SLC41A3: variants seen among roughly 807,000 people sequenced by gnomAD.
SLC41A3 encodes the protein SLC41A1-like 2.
SLC41A3 carries 44 observed loss-of-function variants against 45.4 expected under a neutral mutation model. The observed-to-expected ratio is 0.97, with a 90% confidence interval of 0.76 to 1.25. SLC41A3 has a LOEUF of 1.25. Ranked by LOEUF, SLC41A3 falls within the 50% of genes most tolerant of loss-of-function variation. The pLI, the probability that SLC41A3 is intolerant of heterozygous loss-of-function variation, is 0.00. For synonymous variants in SLC41A3, 256 were observed against 252.4 expected (o/e 1.01, Z -0.13); for missense variants, 550 against 600.6 (o/e 0.92, Z 0.88).
rs778296171 is a variant in SLC41A3 at position 126,026,512 on chromosome 3, G to A, written c.454-33C>T. Reference sequence around the variant, plus strand: ...ACAGAAATCAGAAGCATGAAGGGGGGCCCCGGGGCCACAGCCACACTCCCT... The same window carrying A: ...ACAGAAATCAGAAGCATGAAGGGGGACCCCGGGGCCACAGCCACACTCCCT... On this transcript the variant is annotated intron_variant, in intron 4 of 10. Transcript: ENST00000360370. The surrounding 1 kb of genome is among the most constrained non-coding windows in gnomAD (Gnocchi z 4.2). 15 of 1,589,626 alleles carry A rather than the reference G, an allele frequency of 9.4e-6. No individual in the cohort carries two copies. Among genetic ancestry groups the A allele is most frequent in the Non-Finnish European group, 1.3e-5 (15 of 1,167,380 alleles).
chr3:126,070,515 AG>A (rs1258980223), intron 1 of SLC41A3: 1 of 152,240 alleles, frequency 6.6e-6, no homozygotes, highest in Non-Finnish European at 1.5e-5. Context: ...GGTGGCAAAA[AG>A]GTTGGGGACC....
intron 1 of SLC41A3, 103 bp from the exon 2 acceptor site, chr3:126,068,349 C>T: frequency 2.8e-6 from 3 of 1,082,876 alleles, no homozygotes; most frequent in Non-Finnish European, 3.7e-6. Context: ...CGGCATGGTC[C>T]CATCCAACCC....
intron 3 of SLC41A3, 132 bp from the exon 4 acceptor site, chr3:126,033,810 CT>C (rs921204165): frequency 1.2e-5 from 11 of 912,988 alleles, no homozygotes; most frequent in African/African-American, 5.0e-5. Flanking sequence ...AAAAATTCCT[CT>C]GCTCAGCTCT....
intron 1 of SLC41A3, among the ~76,000 whole-genome samples, chr3:126,082,059 C>T (rs1160950230): frequency 1.3e-5 from 2 of 152,278 alleles, no homozygotes; most frequent in African/African-American, 2.4e-5. Flanking sequence ...GTCAGCACCA[C>T]ACCTGCTCTG....
In SLC41A3 at chr3:126,050,835, ATT is replaced by A; in HGVS notation, c.381+106_381+107del. ...GAGGTATCAAAACCCAGAAATATCC[ATT>A]GTTTTGGAGAATCCAACCCACCGCC... is the stretch of plus-strand genomic sequence containing the variant. On this transcript the variant is annotated intron_variant, in intron 3 of 10. Transcript: ENST00000360370. The A allele has an allele frequency of 2.1e-6, 3 of 1,426,732 alleles. No individual in the cohort carries two copies. The Middle Eastern group carries it at 5.7e-4, about 270-fold the overall frequency. The allele number at this position is 1,426,732 out of a possible 1,614,324, so 88.4% of individuals were successfully genotyped here.
At chr3:126,046,582 A>G (rs1942973730) in intron 3 of SLC41A3, among the ~76,000 whole-genome samples, 1 of 152,238 alleles carries the variant, frequency 6.6e-6, no homozygotes, top group Admixed American at 6.5e-5. Context: ...TAAAAACCAC[A>G]AAGTGTTTCT....
chr3:126,101,003 G>A (rs1945696741), intron 1 of SLC41A3, among the ~76,000 whole-genome samples: 1 of 152,240 alleles, frequency 6.6e-6, no homozygotes, highest in Admixed American at 6.5e-5. Flanking sequence ...ATTTCCCACA[G>A]AATAGCCTGG....
chr3:126,068,694 T>A (rs1347802347), intron 1 of SLC41A3, among the ~76,000 whole-genome samples: 1 of 152,196 alleles, frequency 6.6e-6, no homozygotes, highest in Non-Finnish European at 1.5e-5. Flanking sequence ...CTAACATGCC[T>A]GGTCCCACTA....
upstream of SLC41A3, chr3:126,084,192 C>T (rs1410850953): frequency 6.6e-6 from 1 of 152,004 alleles, no homozygotes; most frequent in Non-Finnish European, 1.5e-5. Context: ...CCTCCCTGGC[C>T]CCGCCCCGGC....
intron 1 of SLC41A3, among the ~76,000 whole-genome samples, chr3:126,092,179 C>A (rs2365015): frequency 6.6e-6 from 1 of 152,056 alleles, no homozygotes; most frequent in African/African-American, 2.4e-5. Context: ...CTGTGACATG[C>A]TTTTGATGGC....
chr3:126,063,245 G>A (rs1944162760), intron 2 of SLC41A3, among the ~76,000 whole-genome samples: 1 of 152,194 alleles, frequency 6.6e-6, no homozygotes, highest in Non-Finnish European at 1.5e-5. Context: ...CCTGCAGGAG[G>A]GGTGGTCTCC....
In SLC41A3 at chr3:126,101,023, G is replaced by A. The variant is rs181336194; in HGVS notation, c.-79+406C>T. On this transcript the variant is annotated intron_variant, in intron 1 of 9. Coordinates refer to the SLC41A3 transcript ENST00000508835. ...CCACAGAATAGCCTGGCAGTGAGTC[G>A]CCCCGGGGGAGATGAGCCTCCATGA... Among the ~76,000 whole-genome samples, 249 of 152,338 alleles carry A rather than the reference G, an allele frequency of 1.6e-3. 4 individuals are homozygous for A. Among genetic ancestry groups the A allele is most frequent in the Non-Finnish European group, 4.6e-4 (31 of 68,030 alleles).
intron 2 of SLC41A3, among the ~76,000 whole-genome samples, chr3:126,059,231 AAGAG>A (rs1297202311): frequency 1.5e-4 from 2 of 13,522 alleles, no homozygotes; most frequent in African/African-American, 2.2e-4. Context: ...AAAAGAAAGA[AAGAG>A]AAAGAAAGAA....
intron 3 of SLC41A3, among the ~76,000 whole-genome samples, chr3:126,050,093 C>A (rs549462251): frequency 6.6e-6 from 1 of 152,338 alleles, no homozygotes; most frequent in African/African-American, 2.4e-5. Flanking sequence ...CTCTTAGTCA[C>A]CTCTGCAAGG....
intron 1 of SLC41A3, among the ~76,000 whole-genome samples, chr3:126,078,522 C>T (rs934060637): frequency 6.6e-6 from 1 of 152,200 alleles, no homozygotes; most frequent in Non-Finnish European, 1.5e-5. Context: ...AGGAAGGATG[C>T]TTGGCAGAAC....
chr3:126,014,538 A>G (rs1940070382), intron 8 of SLC41A3, among the ~76,000 whole-genome samples: 1 of 152,216 alleles, frequency 6.6e-6, no homozygotes, highest in Non-Finnish European at 1.5e-5. Context: ...ATCCCAAAAA[A>G]TCACTCCAAC....
At chr3:126,041,916 A>G (rs1942621081) in intron 3 of SLC41A3, among the ~76,000 whole-genome samples, 1 of 152,142 alleles carries the variant, frequency 6.6e-6, no homozygotes, top group South Asian at 2.1e-4. Context: ...GCCACCCTCA[A>G]ACCAGTAGGG....
At chr3:126,033,555 G>A (rs2107772078) in intron 4 of SLC41A3, 52 bp downstream of exon 4, 3 of 1,588,054 alleles carry the variant, frequency 1.9e-6, no homozygotes, top group Non-Finnish European at 1.7e-6. Flanking sequence ...TCCCACCTGG[G>A]GAAGCCTGGC....
intron 2 of SLC41A3, among the ~76,000 whole-genome samples, chr3:126,063,958 C>CCCG (rs58082062): frequency 1.4e-5 from 2 of 138,356 alleles, no homozygotes; most frequent in South Asian, 2.4e-4. Context: ...AACCCCCCCC[C>CCCG]GGGGACACAC....
Sources: allele counts gnomAD v4.1 joint callset (sites outside exome capture counted in the v4.1 genomes callset), GRCh38; gene constraint gnomAD v4.1.1; non-coding constraint Gnocchi (gnomAD v3.1); transcripts MANE v1.5; gene names NCBI Gene and HGNC (gene_info 2026-07-23, HGNC 2026-07-21).